The following CLCA2 variants were observed in gnomAD, a reference collection of about 807,000 sequenced individuals.
CLCA2 encodes the protein chloride channel accessory 2.
A neutral mutation model predicts 82.9 loss-of-function variants in CLCA2; 85 were observed. That is an observed-to-expected ratio of 1.03 (90% confidence interval 0.86 to 1.23). The LOEUF (loss-of-function observed/expected upper bound fraction) is 1.23, where lower values mean the gene tolerates loss of function less well. Ranked by LOEUF, CLCA2 falls within the 50% of genes most tolerant of loss-of-function variation. The pLI is 0.00. For synonymous variants in CLCA2, 421 were observed against 391.7 expected, an observed-to-expected ratio of 1.07 and a Z score of -0.88; for missense variants, 1,089 against 1,124.8, an observed-to-expected ratio of 0.97 and a Z score of 0.45.
intron 11 of CLCA2, among the ~76,000 whole-genome samples, chr1:86,449,578 C>T (rs1049951833): frequency 1.3e-5 from 2 of 152,188 alleles, no homozygotes; most frequent in Non-Finnish European, 2.9e-5. Flanking sequence ...ATGTTTAGCA[C>T]TTTTTATTTC....
Position 86,432,535 on chromosome 1 carries a change from A to G in CLCA2, c.744+7A>G, listed in dbSNP as rs1164354116. On this transcript the variant is annotated splice_region_variant and intron_variant, in intron 5 of 13. Transcript: ENST00000370565. ...CATGCAAAGTTTATCTTCTGTAAGT[A>G]TGCCCTTGGAATGACACACTCTTGC... 1.9e-6 allele frequency: 3 copies of G among 1,612,798 alleles called. No homozygotes were observed. The highest frequency in any genetic ancestry group is 2.5e-6 in the Non-Finnish European group (3 of 1,179,498).
rs769367805 is a variant in CLCA2, at chr1:86,453,507, C to G, written c.2294C>G (p.Pro765Arg). Residue 765 changes from proline (P) to arginine (R), a missense_variant, in exon 13 of 14, where the codon CCA becomes CGA. Physicochemically the swap from Pro to Arg is moderately radical, Grantham distance 103. Transcript: ENST00000370565. ...VPAGPHPDVFPPCKIIDLEAV... is the reference protein window; with the variant it reads ...VPAGPHPDVFRPCKIIDLEAV... ...GCTGGCCCCCACCCTGATGTGTTTC[C>G]ACCATGCAAAATTATTGACCTGGAA... 1.2e-6 allele frequency: 2 copies of G among 1,614,164 alleles called. No homozygotes were observed. Among genetic ancestry groups the G allele is most frequent in the South Asian group, 2.2e-5 (2 of 91,082 alleles).
intron 9 of CLCA2, among the ~76,000 whole-genome samples, chr1:86,442,616 C>A (rs1662757993): frequency 6.6e-6 from 1 of 152,222 alleles, no homozygotes; most frequent in African/African-American, 2.4e-5. Flanking sequence ...TTTGAACAAA[C>A]AATTCACAAT....
chr1:86,445,486 A>T (rs565664162), intron 10 of CLCA2: 4 of 151,012 alleles, frequency 2.6e-5, no homozygotes, highest in African/African-American at 7.3e-5. Context: ...CCTTGGCCAT[A>T]AGGTCAAAGG....
chr1:86,447,823 T>C, intron 11 of CLCA2, 45 bp downstream of exon 11: 2 of 1,576,836 alleles, frequency 1.3e-6, no homozygotes, highest in East Asian at 2.3e-5. Flanking sequence ...TCAACAGCTG[T>C]TGTGATATGA....
At chr1:86,441,684 C>A (rs888301194) in intron 9 of CLCA2, 141 bp downstream of exon 9, 9 of 556,188 alleles carry the variant, frequency 1.6e-5, no homozygotes, top group Non-Finnish European at 2.5e-5. Flanking sequence ...TTTTAAAAGG[C>A]TGCTTGGCAT....
intron 6 of CLCA2, among the ~76,000 whole-genome samples, chr1:86,435,232 A>C (rs1558106914): frequency 6.6e-6 from 1 of 152,222 alleles, no homozygotes; most frequent in Non-Finnish European, 1.5e-5. Flanking sequence ...AAGTTGAGAT[A>C]ATGCAGATAA....
intron 12 of CLCA2, among the ~76,000 whole-genome samples, chr1:86,451,669 T>A (rs1240694525): frequency 6.6e-6 from 1 of 152,164 alleles, no homozygotes; most frequent in Non-Finnish European, 1.5e-5. Context: ...GTCTGAACCT[T>A]CTTACTTTAC....
chr1:86,425,300 A>G (rs764614832), intron 1 of CLCA2, 39 bp from the exon 2 acceptor site: 2 of 1,476,306 alleles, frequency 1.4e-6, no homozygotes, highest in South Asian at 2.7e-5. Flanking sequence ...TACAGGATTT[A>G]CAAGTGGTAA....
At chr1:86,428,701 A>C in intron 3 of CLCA2, 133 bp downstream of exon 3, 1 of 946,384 alleles carries the variant, frequency 1.1e-6, no homozygotes, top group Non-Finnish European at 1.5e-6. Flanking sequence ...GAGATAGGTC[A>C]TATGCCCATG....
intron 2 of CLCA2, among the ~76,000 whole-genome samples, chr1:86,426,702 C>T (rs1467291129): frequency 6.6e-6 from 1 of 152,070 alleles, no homozygotes; most frequent in Non-Finnish European, 1.5e-5. Flanking sequence ...GGACTTTGTC[C>T]CAAATCTAAC....
intron 12 of CLCA2, among the ~76,000 whole-genome samples, chr1:86,452,251 C>A (rs1296907267): frequency 3.1e-4 from 42 of 135,586 alleles, no homozygotes; most frequent in African/African-American, 1.1e-3. Flanking sequence ...ATATCCATCA[C>A]CAGCTTTTGT....
intron 6 of CLCA2, among the ~76,000 whole-genome samples, chr1:86,435,374 C>T (rs1474569339): frequency 1.3e-5 from 2 of 152,334 alleles, no homozygotes; most frequent in East Asian, 3.9e-4. Context: ...TTCCTGCTGG[C>T]TACATTCTAC....
Position 86,440,293 on chromosome 1 carries a change from C to T in CLCA2, c.1349C>T (p.Ala450Val). 6.2e-7 allele frequency: 1 copy of T among 1,613,850 alleles called. No homozygotes were observed. The highest frequency in any genetic ancestry group is 8.5e-7 in the Non-Finnish European group (1 of 1,179,956). The stretch of plus-strand genomic sequence containing the variant: ...TCCATTGCCCTGGGTTCATCTGCAG[C>T]CCCAAATCTGGAGGAATTATCACGT... ...IHSIALGSSA[A>V]PNLEELSRLT... The change falls in exon 8 of 14, where the codon GCC becomes GTC. Residue 450 changes from alanine to valine, a missense_variant. Ala to Val is a moderately conservative substitution (Grantham distance 64). Coordinates refer to ENST00000370565, the MANE Select transcript of CLCA2 (RefSeq NM_006536.7).
intron 12 of CLCA2, among the ~76,000 whole-genome samples, chr1:86,453,042 G>A (rs979626590): frequency 1.3e-5 from 2 of 152,056 alleles, no homozygotes; most frequent in South Asian, 2.1e-4. Flanking sequence ...ACGTGGTGAC[G>A]GGCACCTGTA....
chr1:86,455,150 A>C lies in CLCA2; in HGVS notation c.2455A>C (p.Ile819Leu), dbSNP rs185620553. The C allele has an allele frequency of 6.2e-7, 1 of 1,611,464 alleles. No individual in the cohort carries two copies. Among genetic ancestry groups the C allele is most frequent in the Non-Finnish European group, 8.5e-7 (1 of 1,178,096 alleles). Residue 819 changes from isoleucine (I) to leucine (L), a missense_variant, in exon 14 of 14, where the codon ATT becomes CTT. Coordinates refer to ENST00000370565, the MANE Select transcript of CLCA2 (RefSeq NM_006536.7). Reference sequence around the variant, plus strand: ...TATCCAAGATGACTTTAACAATGCTATTTTAGTAAATACATCAAAGCGAAA... The same window carrying C: ...TATCCAAGATGACTTTAACAATGCTCTTTTAGTAAATACATCAAAGCGAAA... ...QNIQDDFNNAILVNTSKRNPQ... is the reference protein window; with the variant it reads ...QNIQDDFNNALLVNTSKRNPQ...
Position 86,455,442 on chromosome 1 carries a change from T to C in CLCA2, c.2747T>C (p.Ile916Thr). 1 of 1,591,538 alleles carries C rather than the reference T, an allele frequency of 6.3e-7. No individual in the cohort carries two copies. The highest frequency in any genetic ancestry group is 8.5e-7 in the Non-Finnish European group (1 of 1,171,494). Residue 916 changes from isoleucine to threonine, a missense_variant, in exon 14 of 14, where the codon ATT becomes ACT. Ile to Thr is a moderately conservative substitution (Grantham distance 89). Coordinates refer to ENST00000370565, the MANE Select transcript of CLCA2 (RefSeq NM_006536.7). ...ACAGCAATGGGTTTGATAGGAATCATTTGCCTTATTATAGTTGTGACACAT... is the reference window on the plus strand; with the variant it reads ...ACAGCAATGGGTTTGATAGGAATCACTTGCCTTATTATAGTTGTGACACAT... ...VLTAMGLIGI[I>T]CLIIVVTHHT... is the part of the protein sequence containing the mutation.
intron 8 of CLCA2, 37 bp downstream of exon 8, chr1:86,440,362 T>C (rs1272225229): frequency 6.4e-7 from 1 of 1,565,888 alleles, no homozygotes; most frequent in Non-Finnish European, 8.7e-7. Flanking sequence ...TTGGAGCATG[T>C]CCCTTTAACT....
At chr1:86,432,331 A>C (rs776589416) in intron 4 of CLCA2, 38 bp from the exon 5 acceptor site, 14 of 1,606,830 alleles carry the variant, frequency 8.7e-6, no homozygotes, top group Non-Finnish European at 1.2e-5. Context: ...AGTGTTTCTA[A>C]AATAGACCTA....
Sources: gnomAD v4.1 joint callset for allele counts (sites outside exome capture counted in the v4.1 genomes callset) on GRCh38, gnomAD v4.1.1 for gene constraint, MANE v1.5 for transcripts, NCBI Gene and HGNC (gene_info 2026-07-23, HGNC 2026-07-21) for gene names.